OSBPL10: variants seen among roughly 807,000 people sequenced by gnomAD.
The protein encoded by OSBPL10 is oxysterol binding protein like 10, also known as oxysterol-binding protein-related protein 10.
Under a neutral mutation model 81.7 loss-of-function variants are expected in OSBPL10, and 49 were observed. The ratio of observed to expected loss-of-function variants is 0.60; its 90% CI spans 0.48 to 0.76. The LOEUF (loss-of-function observed/expected upper bound fraction) is 0.76, where lower values mean the gene tolerates loss of function less well. OSBPL10 is among the 30% of genes least tolerant of loss of function. OSBPL10 has a pLI of 0.00. For missense variants in OSBPL10, 923 were observed against 987.8 expected, an observed-to-expected ratio of 0.93 and a Z score of 0.88; for synonymous variants, 419 against 383.6, an observed-to-expected ratio of 1.09 and a Z score of -1.08.
At chr3:31,671,468 T>C (rs567759211) in intron 8 of OSBPL10, among the ~76,000 whole-genome samples, 5 of 152,016 alleles carry the variant, frequency 3.3e-5, no homozygotes, top group African/African-American at 1.2e-4. Context: ...AGAGATGATA[T>C]ATATAGGTGT....
rs555041691 is a variant in OSBPL10 at position 31,958,660 on chromosome 3, T to C, written c.281+22239A>G. ...CATGGATGCTACATTTCAACTGAGATGTTTATGTTCTGAATACTGGATTCT... is the reference window on the plus strand; with the variant it reads ...CATGGATGCTACATTTCAACTGAGACGTTTATGTTCTGAATACTGGATTCT... On this transcript the variant is annotated intron_variant, in intron 1 of 11. Coordinates refer to ENST00000396556, the MANE Select transcript of OSBPL10 (RefSeq NM_017784.5). Among the ~76,000 whole-genome samples the C allele has an allele frequency of 2.0e-5, 3 of 152,314 alleles. No homozygotes were observed. The East Asian group carries it at 5.8e-4, about 29-fold the overall frequency.
intron 1 of OSBPL10, among the ~76,000 whole-genome samples, chr3:32,059,020 C>T (rs934649405): frequency 1.4e-4 from 21 of 152,182 alleles, no homozygotes; most frequent in African/African-American, 4.1e-4. Flanking sequence ...CTAGGCTGGC[C>T]GGGTGTGGTG....
At chr3:31,825,056 C>T (rs1320131632) in intron 4 of OSBPL10, among the ~76,000 whole-genome samples, 2 of 152,092 alleles carry the variant, frequency 1.3e-5, no homozygotes, top group African/African-American at 4.8e-5. Flanking sequence ...GAGGAGTGCA[C>T]ACTGCAGGAA....
rs780138026 is a variant in OSBPL10, at chr3:31,837,552, T to C, written c.538-7321A>G. Among the ~76,000 whole-genome samples, 5 of 151,066 alleles carry C rather than the reference T, an allele frequency of 3.3e-5. No individual in the cohort carries two copies. The East Asian group carries it at 9.7e-4, about 29-fold the overall frequency. ...AACAAATTAGCTTCATTCCTTTTAATATTAGAAACAAGAATTCCACTACCA... is the reference window on the plus strand; with the variant it reads ...AACAAATTAGCTTCATTCCTTTTAACATTAGAAACAAGAATTCCACTACCA... On this transcript the variant is annotated intron_variant, in intron 3 of 11. Coordinates refer to ENST00000396556, the MANE Select transcript of OSBPL10 (RefSeq NM_017784.5).
chr3:32,026,061 A>AGATAGAT (rs1553649789), intron 2 of OSBPL10, among the ~76,000 whole-genome samples: 88 of 90,796 alleles, frequency 9.7e-4, no homozygotes, highest in African/African-American at 1.8e-3. Context: ...GATAGATGAT[A>AGATAGAT]GATAGATAGA....
intron 1 of OSBPL10, among the ~76,000 whole-genome samples, chr3:32,057,415 T>C (rs893114782): frequency 6.6e-6 from 1 of 152,192 alleles, no homozygotes; most frequent in African/African-American, 2.4e-5. Context: ...TTCATACTGC[T>C]ATAGAGAATT....
chr3:31,931,246 A>C (rs1251510181), intron 1 of OSBPL10, among the ~76,000 whole-genome samples: 1 of 152,122 alleles, frequency 6.6e-6, no homozygotes, highest in Non-Finnish European at 1.5e-5. Context: ...AATTCAAATT[A>C]AATTTTTAAA....
chr3:31,870,856 T>C (rs1701304515), intron 3 of OSBPL10, among the ~76,000 whole-genome samples: 1 of 152,116 alleles, frequency 6.6e-6, no homozygotes, highest in Non-Finnish European at 1.5e-5. Flanking sequence ...ACCCTGTGTC[T>C]AGCTCAGGGT....
At chr3:31,701,030 C>T (rs141101714) in intron 7 of OSBPL10, among the ~76,000 whole-genome samples, 7 of 152,196 alleles carry the variant, frequency 4.6e-5, no homozygotes, top group Admixed American at 1.3e-4. Flanking sequence ...ATATCAGACA[C>T]GCTCACATTC....
intron 1 of OSBPL10, among the ~76,000 whole-genome samples, chr3:31,908,188 G>A (rs1451571972): frequency 6.6e-6 from 1 of 152,114 alleles, no homozygotes; most frequent in Non-Finnish European, 1.5e-5. Context: ...GATGGGAGAT[G>A]AAGGGAACCA....
chr3:31,972,311 C>T (rs1351733104), intron 1 of OSBPL10, among the ~76,000 whole-genome samples: 1 of 152,210 alleles, frequency 6.6e-6, no homozygotes, highest in East Asian at 1.9e-4. Flanking sequence ...ATCGCTTGAA[C>T]CCAGGAGGTG....
chr3:31,804,684 C>T (rs955167074), intron 4 of OSBPL10, among the ~76,000 whole-genome samples: 7 of 152,180 alleles, frequency 4.6e-5, no homozygotes, highest in South Asian at 2.1e-4. Context: ...CTACCAAACG[C>T]GCTTCATGAG....
At chr3:31,785,148 G>A (rs1350635932) in intron 4 of OSBPL10, among the ~76,000 whole-genome samples, 1 of 152,088 alleles carries the variant, frequency 6.6e-6, no homozygotes, top group Non-Finnish European at 1.5e-5. Flanking sequence ...GCCTCCCAAA[G>A]TGCCGGGATT....
At chr3:31,972,025 G>A (rs1487696398) in intron 1 of OSBPL10, among the ~76,000 whole-genome samples, 1 of 152,290 alleles carries the variant, frequency 6.6e-6, no homozygotes, top group Non-Finnish European at 1.5e-5. Flanking sequence ...AATTCCACCA[G>A]GCATAATTTC....
At chr3:32,055,651 C>T (rs1400481895) in intron 1 of OSBPL10, among the ~76,000 whole-genome samples, 1 of 152,176 alleles carries the variant, frequency 6.6e-6, no homozygotes, top group East Asian at 1.9e-4. Flanking sequence ...TGTAACAAGA[C>T]ACAATTGGAG....
At chr3:31,840,247 A>G (rs72850527) in intron 3 of OSBPL10, among the ~76,000 whole-genome samples, 1,803 of 152,208 alleles carry the variant, frequency 0.012, 44 homozygotes, top group African/African-American at 0.041. Flanking sequence ...CAAACCAGCC[A>G]TGGGATGGGA....
At chr3:31,905,887 CAAA>C (rs1696397270) in intron 1 of OSBPL10, among the ~76,000 whole-genome samples, 1 of 118,518 alleles carries the variant, frequency 8.4e-6, no homozygotes, top group Non-Finnish European at 1.7e-5. Context: ...CCCATCACCT[CAAA>C]GAAGGAAAAA....
intron 4 of OSBPL10, among the ~76,000 whole-genome samples, chr3:31,810,035 C>T (rs944861545): frequency 6.6e-6 from 1 of 151,918 alleles, no homozygotes; most frequent in Non-Finnish European, 1.5e-5. Context: ...CCACGCCCGG[C>T]TAATTTCGTA....
In OSBPL10 at chr3:31,747,894, C is replaced by A. The variant is rs189836253; in HGVS notation, c.940+16G>T. 1 of 1,611,462 alleles carries A rather than the reference C, an allele frequency of 6.2e-7. No homozygotes were observed. The highest frequency in any genetic ancestry group is 8.5e-7 in the Non-Finnish European group (1 of 1,179,128). On this transcript the variant is annotated intron_variant, in intron 5 of 11. Coordinates refer to ENST00000396556, the MANE Select transcript of OSBPL10 (RefSeq NM_017784.5). ...TGTACTCATCCCAAACATGGACAAG[C>A]CCCCGGGGGTCTTACCCGAGGCTCC...
Sources: allele counts gnomAD v4.1 joint callset (sites outside exome capture counted in the v4.1 genomes callset), GRCh38; gene constraint gnomAD v4.1.1; transcripts MANE v1.5; gene names NCBI Gene and HGNC (gene_info 2026-07-23, HGNC 2026-07-21).